Variants in PVT1 observed in about 807,000 individuals in gnomAD.
The protein encoded by PVT1 is Pvt1 oncogene, also known as CXCR4/PVT1 fusion.
At chr8:127,966,603 C>T (rs1425623964) in intron 3 of PVT1, among the ~76,000 whole-genome samples, 1 of 152,190 alleles carries the variant, frequency 6.6e-6, no homozygotes, top group Admixed American at 6.5e-5. Flanking sequence ...CATCCTTGCC[C>T]TTAGCCACGT....
chr8:128,040,431 C>G (rs753966922), intron 4 of PVT1, among the ~76,000 whole-genome samples: 3 of 152,210 alleles, frequency 2.0e-5, no homozygotes, highest in Non-Finnish European at 2.9e-5. Flanking sequence ...CATAATCACA[C>G]GAGCCAACTC....
chr8:127,912,936 A>T (rs1289947743), intron 3 of PVT1, among the ~76,000 whole-genome samples: 1 of 151,958 alleles, frequency 6.6e-6, no homozygotes, highest in Non-Finnish European at 1.5e-5. Context: ...GACCTCAGGT[A>T]ATCCACCTGC....
At chr8:128,100,531 C>G (rs1814491236) in intron 6 of PVT1, among the ~76,000 whole-genome samples, 1 of 152,162 alleles carries the variant, frequency 6.6e-6, no homozygotes, top group African/African-American at 2.4e-5. Flanking sequence ...CTAAAGGAAC[C>G]TGCTGCAGGG....
Position 128,016,933 on chromosome 8 carries a change from C to T in PVT1, n.912+27642C>T, listed in dbSNP as rs574779845. Among the ~76,000 whole-genome samples the T allele has an allele frequency of 9.8e-5, 15 of 152,300 alleles. No homozygotes were observed. The South Asian group carries it at 3.1e-3, about 32-fold the overall frequency. On this transcript the variant is annotated intron_variant and non_coding_transcript_variant, in intron 4 of 10. Transcript: ENST00000651587. ...CAAGATGGTGGCTCATGCCTGTAAT[C>T]CCAGCACTTCGGGAGGCCAAGGTAA...
chr8:128,052,935 CT>C (rs1160232505), intron 4 of PVT1, among the ~76,000 whole-genome samples: 1 of 152,236 alleles, frequency 6.6e-6, no homozygotes, highest in African/African-American at 2.4e-5. Context: ...GATTTTAAAC[CT>C]CACAGTGGCT....
At chr8:127,998,269 G>A (rs1817129895) in intron 4 of PVT1, 7 of 152,104 alleles carry the variant, frequency 4.6e-5, no homozygotes, top group African/African-American at 1.7e-4. Flanking sequence ...CATGGCTAGA[G>A]GATCTACATG....
chr8:127,831,658 G>C (rs181866830), intron 2 of PVT1, among the ~76,000 whole-genome samples: 1 of 152,290 alleles, frequency 6.6e-6, no homozygotes, highest in African/African-American at 2.4e-5. Context: ...AGGAGCCACT[G>C]GTGAGGCAGA....
rs143045729 is a variant in PVT1 at position 127,848,409 on chromosome 8, C to T, written n.373-42180C>T. Among the ~76,000 whole-genome samples the T allele has an allele frequency of 7.3e-3, 1,115 of 152,068 alleles. 13 individuals carry two copies. The highest frequency in any genetic ancestry group is 0.025 in the African/African-American group (1,054 of 41,470). On this transcript the variant is annotated intron_variant and non_coding_transcript_variant, in intron 2 of 10. Transcript: ENST00000651587. ...CTCCAAAACCACAAATTTGGCTGGG[C>T]GCAGTGGCTCACGCCTGTAATCCCA...
intron 4 of PVT1, among the ~76,000 whole-genome samples, chr8:127,994,882 G>A (rs1307269756): frequency 6.6e-6 from 1 of 152,194 alleles, no homozygotes; most frequent in African/African-American, 2.4e-5. Context: ...GTTCTATTCA[G>A]GCCTTCAGTG....
At chr8:128,070,738 T>C (rs897570444) in intron 5 of PVT1, among the ~76,000 whole-genome samples, 2 of 152,258 alleles carry the variant, frequency 1.3e-5, no homozygotes, top group East Asian at 1.9e-4. Context: ...GTGGCCAAAC[T>C]GGGCCAGGTA....
intron 3 of PVT1, among the ~76,000 whole-genome samples, chr8:127,934,045 C>T (rs1816243414): frequency 6.6e-6 from 1 of 152,220 alleles, no homozygotes; most frequent in South Asian, 2.1e-4. Flanking sequence ...GAGCCATCAA[C>T]TCAGCTATAG....
At chr8:127,833,688 A>T (rs1426376076) in intron 2 of PVT1, among the ~76,000 whole-genome samples, 1 of 152,140 alleles carries the variant, frequency 6.6e-6, no homozygotes, top group Non-Finnish European at 1.5e-5. Context: ...TCCTGGACTC[A>T]AGCGATCTAC....
At chr8:128,092,914 C>T (rs1353767132) in intron 5 of PVT1, among the ~76,000 whole-genome samples, 1 of 152,176 alleles carries the variant, frequency 6.6e-6, no homozygotes, top group Non-Finnish European at 1.5e-5. Context: ...GGGCTTTATT[C>T]TTTCTGTTCT....
At chr8:127,808,696 A>G (rs1296399869) in intron 2 of PVT1, among the ~76,000 whole-genome samples, 1 of 152,150 alleles carries the variant, frequency 6.6e-6, no homozygotes, top group Non-Finnish European at 1.5e-5. Context: ...GTGGAGAGGA[A>G]GAGAAGAGGA....
chr8:127,957,566 C>CAAAAAAAA (rs56796489), intron 3 of PVT1, among the ~76,000 whole-genome samples: 3 of 91,796 alleles, frequency 3.3e-5, no homozygotes, highest in African/African-American at 3.9e-5. Context: ...GACTCCGTCT[C>CAAAAAAAA]AAAAAAAAAA....
At chr8:128,036,567 G>C (rs1813465601) in intron 4 of PVT1, among the ~76,000 whole-genome samples, 2 of 152,138 alleles carry the variant, frequency 1.3e-5, no homozygotes, top group Admixed American at 6.5e-5. Context: ...GCTGGGCACT[G>C]TGCTGGGCCC....
intron 3 of PVT1, among the ~76,000 whole-genome samples, chr8:127,976,187 A>G (rs1324613676): frequency 6.6e-6 from 1 of 152,216 alleles, no homozygotes; most frequent in Non-Finnish European, 1.5e-5. Flanking sequence ...GAGTTAAAAG[A>G]AACCTCAGAG....
At chr8:127,798,686 C>G (rs1814426022) in intron 2 of PVT1, among the ~76,000 whole-genome samples, 2 of 134,238 alleles carry the variant, frequency 1.5e-5, no homozygotes, top group African/African-American at 5.5e-5. Flanking sequence ...TGGTGAAACC[C>G]TGTCTCTACT....
At chr8:127,937,197 C>T (rs2392827) in intron 3 of PVT1, among the ~76,000 whole-genome samples, 54,324 of 151,954 alleles carry the variant, frequency 0.36, 9,920 homozygotes, top group East Asian at 0.54. Context: ...AGGGAACTGA[C>T]GAGTCTTGGG....
Sources: gnomAD v4.1 joint callset for allele counts (sites outside exome capture counted in the v4.1 genomes callset) on GRCh38, gnomAD v4.1.1 for gene constraint, MANE v1.5 for transcripts, NCBI Gene and HGNC (gene_info 2026-07-23, HGNC 2026-07-21) for gene names.